The following RTTN variants were observed in gnomAD, a reference collection of about 807,000 sequenced individuals.
The protein encoded by RTTN is rotatin.
In RTTN, 182 loss-of-function variants were observed where a neutral mutation model predicts 269.2. The observed-to-expected ratio is 0.68, with a 90% confidence interval of 0.60 to 0.76. The LOEUF (loss-of-function observed/expected upper bound fraction) is 0.76. Ranked by LOEUF, RTTN falls within the 30% of genes least tolerant of loss-of-function variation. The probability of loss-of-function intolerance (pLI) is 0.00; values close to 1 mark genes in which losing one functional copy is unlikely to be tolerated. For missense variants in RTTN, 2,545 were observed against 2,608.6 expected (o/e 0.98, Z 0.53); for synonymous variants, 1,006 against 963.5 (o/e 1.04, Z -0.82).
At chr18:70,165,100 GCA>G (rs1235282762) in intron 14 of RTTN, among the ~76,000 whole-genome samples, 2 of 151,994 alleles carry the variant, frequency 1.3e-5, no homozygotes, top group African/African-American at 4.8e-5. Flanking sequence ...TCAAACGTAT[GCA>G]CACAGTCACA....
intron 26 of RTTN, among the ~76,000 whole-genome samples, chr18:70,120,321 T>C (rs1229445757): frequency 6.6e-6 from 1 of 152,132 alleles, no homozygotes; most frequent in Non-Finnish European, 1.5e-5. Flanking sequence ...TTTTGTTTTT[T>C]ATAAATTACC....
intron 28 of RTTN, among the ~76,000 whole-genome samples, chr18:70,107,334 T>G (rs2059346833): frequency 6.6e-6 from 1 of 152,198 alleles, no homozygotes; most frequent in African/African-American, 2.4e-5. Context: ...CCTTTCATAT[T>G]CTCATGTTCC....
chr18:70,098,796 C>T (rs144636820), intron 28 of RTTN, among the ~76,000 whole-genome samples: 1 of 152,132 alleles, frequency 6.6e-6, no homozygotes, highest in East Asian at 1.9e-4. Flanking sequence ...CTCCACCCTC[C>T]TCCTACCCCA....
At chr18:70,039,694 T>C (rs1415619512) in intron 40 of RTTN, among the ~76,000 whole-genome samples, 3 of 151,326 alleles carry the variant, frequency 2.0e-5, no homozygotes, top group African/African-American at 4.9e-5. Context: ...TTGTGTAAAC[T>C]ACTCTTATCT....
intron 11 of RTTN, among the ~76,000 whole-genome samples, chr18:70,175,633 C>CA (rs10710822): frequency 2.8e-5 from 4 of 143,790 alleles, no homozygotes; most frequent in Admixed American, 6.9e-5. Flanking sequence ...TGCATGGGAC[C>CA]AAAAAAAAAA....
At chr18:70,151,403 G>A (rs940103757) in intron 14 of RTTN, among the ~76,000 whole-genome samples, 3 of 151,494 alleles carry the variant, frequency 2.0e-5, no homozygotes, top group Non-Finnish European at 4.4e-5. Context: ...TTTAAGGTGA[G>A]AGGGGAAAAA....
intron 28 of RTTN, among the ~76,000 whole-genome samples, chr18:70,094,849 T>C (rs890993008): frequency 1.3e-5 from 2 of 151,882 alleles, no homozygotes; most frequent in African/African-American, 2.4e-5. Flanking sequence ...TTTTTTTTTT[T>C]CTGAATATCC....
intron 32 of RTTN, among the ~76,000 whole-genome samples, chr18:70,076,933 C>T (rs573788328): frequency 6.6e-6 from 1 of 151,922 alleles, no homozygotes; most frequent in South Asian, 2.1e-4. Flanking sequence ...ACATTCACAG[C>T]TTCAAGAAAT....
intron 46 of RTTN, among the ~76,000 whole-genome samples, chr18:70,010,455 A>T (rs2056335945): frequency 6.6e-6 from 1 of 152,224 alleles, no homozygotes; most frequent in South Asian, 2.1e-4. Context: ...ACACAACTAC[A>T]TGGAAACTGA....
At chr18:70,033,492 A>T (rs1260940061) in intron 40 of RTTN, among the ~76,000 whole-genome samples, 1 of 152,244 alleles carries the variant, frequency 6.6e-6, no homozygotes, top group Non-Finnish European at 1.5e-5. Context: ...CAAATAATGA[A>T]ATTAAGGCAG....
intron 43 of RTTN, among the ~76,000 whole-genome samples, chr18:70,026,600 T>C (rs1599157041): frequency 6.6e-6 from 1 of 152,180 alleles, no homozygotes; most frequent in African/African-American, 2.4e-5. Flanking sequence ...TAAACCTCTT[T>C]TCTTTAATAA....
rs2060221606 is a variant in RTTN at position 70,140,196 on chromosome 18, T to TA, written c.2582-9dup. The TA allele has an allele frequency of 2.0e-6, 3 of 1,497,858 alleles. No individual in the cohort carries two copies. The highest frequency in any genetic ancestry group is 2.8e-6 in the Non-Finnish European group (3 of 1,079,252). 92.8% of individuals were successfully genotyped at this position (1,497,858 alleles called of 1,614,324 possible). A position where few individuals can be genotyped will look rare whatever the true frequency, so the allele number is the denominator to read the frequency against. ...CAGCATGCATTTTAATATCTGTAGA[T>TA]AAAAAAAGTTACTAAAAGTTAAAGC... On this transcript the variant is annotated splice_polypyrimidine_tract_variant and intron_variant, in intron 19 of 48. Coordinates refer to ENST00000640769, the MANE Select transcript of RTTN (RefSeq NM_173630.4).
At chr18:70,126,938 A>G (rs1215946648) in intron 25 of RTTN, among the ~76,000 whole-genome samples, 2 of 152,208 alleles carry the variant, frequency 1.3e-5, no homozygotes, top group East Asian at 1.9e-4. Flanking sequence ...GAATAAAATG[A>G]AAACCTGCTT....
At chr18:70,124,246 A>C (rs999365227) in intron 25 of RTTN, among the ~76,000 whole-genome samples, 2 of 152,108 alleles carry the variant, frequency 1.3e-5, no homozygotes, top group African/African-American at 2.4e-5. Context: ...AAAACTTACG[A>C]ATAATCACAG....
intron 17 of RTTN, among the ~76,000 whole-genome samples, chr18:70,146,404 CCACTGAGTGGACAAAGGT>C (rs796581164): frequency 6.6e-6 from 1 of 152,098 alleles, no homozygotes; most frequent in South Asian, 2.1e-4. Context: ...AACAGAAAAA[CCACTGAGTGGACAAAGGT>C]CACTGAGGCG....
chr18:70,042,524 C>T (rs1384934914), intron 40 of RTTN, among the ~76,000 whole-genome samples: 10 of 151,842 alleles, frequency 6.6e-5, no homozygotes, highest in Admixed American at 1.3e-4. Flanking sequence ...TACAGGTGCC[C>T]GCCGCCATGT....
chr18:70,155,802 T>C (rs891230969), intron 14 of RTTN, among the ~76,000 whole-genome samples: 3 of 152,248 alleles, frequency 2.0e-5, no homozygotes, highest in Non-Finnish European at 4.4e-5. Flanking sequence ...CATGGACATT[T>C]ATTAGTTCTC....
At chr18:70,033,177 G>A (rs1207641689) in intron 40 of RTTN, among the ~76,000 whole-genome samples, 1 of 152,204 alleles carries the variant, frequency 6.6e-6, no homozygotes, top group African/African-American at 2.4e-5. Flanking sequence ...CTCCCACCAT[G>A]TGAGATGCCT....
At chr18:70,031,166 C>A in intron 40 of RTTN, 185 bp from the exon 41 acceptor site, 1 of 545,916 alleles carries the variant, frequency 1.8e-6, no homozygotes, top group Non-Finnish European at 3.2e-6. Flanking sequence ...GTATAAGTTG[C>A]TTATAATATG....
Sources: gnomAD v4.1 joint callset for allele counts (sites outside exome capture counted in the v4.1 genomes callset) on GRCh38, gnomAD v4.1.1 for gene constraint, MANE v1.5 for transcripts, NCBI Gene and HGNC (gene_info 2026-07-23, HGNC 2026-07-21) for gene names.